The following DCDC1 variants were observed in gnomAD, a reference collection of about 807,000 sequenced individuals.
The protein encoded by DCDC1 is doublecortin domain-containing protein 1.
In DCDC1, 200 loss-of-function variants were observed where a neutral mutation model predicts 178.3. The ratio of observed to expected loss-of-function variants is 1.12; its 90% CI spans 1.00 to 1.26. DCDC1 has a LOEUF of 1.26. Ranked by LOEUF, DCDC1 falls within the 50% of genes most tolerant of loss-of-function variation. The pLI is 0.00. For missense variants in DCDC1, 1,983 were observed against 1,749.2 expected (o/e 1.13, Z -2.38); for synonymous variants, 690 against 604.8 (o/e 1.14, Z -2.07).
At chr11:30,960,491 C>A (rs950526528) in intron 20 of DCDC1, among the ~76,000 whole-genome samples, 2 of 152,076 alleles carry the variant, frequency 1.3e-5, no homozygotes, top group Middle Eastern at 3.2e-3. Flanking sequence ...CACTAGCTGG[C>A]CCAGCTATAA....
At chr11:31,210,389 C>T (rs1222028546) in intron 9 of DCDC1, among the ~76,000 whole-genome samples, 1 of 152,128 alleles carries the variant, frequency 6.6e-6, no homozygotes, top group Non-Finnish European at 1.5e-5. Flanking sequence ...GCATTTATAG[C>T]TAGCATTTAC....
chr11:31,307,802 C>T lies in DCDC1; in HGVS notation c.271G>A (p.Gly91Arg), dbSNP rs759454548. The T allele has an allele frequency of 7.4e-6, 12 of 1,613,972 alleles. No homozygotes were observed. The highest frequency in any genetic ancestry group is 8.5e-6 in the Non-Finnish European group (10 of 1,180,002). The change falls in exon 4 of 39, where the codon GGG becomes AGG. Residue 91 changes from glycine (G) to arginine (R), a missense_variant. Gly to Arg is a moderately radical substitution (Grantham distance 125). Transcript: ENST00000684477. ...RLVHSAAVSE[G>R]SGLQDCSTHQ... The stretch of plus-strand genomic sequence containing the variant: ...GTGGAGCAATCTTGAAGTCCTGACC[C>T]TTCTGATACTGCTGCTGAATGCACG...
chr11:30,881,394 A>G (rs985107533), intron 36 of DCDC1, 86 bp from the exon 37 acceptor site: 2 of 1,491,834 alleles, frequency 1.3e-6, no homozygotes, highest in Admixed American at 2.0e-5. Context: ...TGAGAAAACT[A>G]TTATCCCAGT....
At chr11:30,941,936 T>C (rs1435656103) in intron 21 of DCDC1, among the ~76,000 whole-genome samples, 1 of 152,200 alleles carries the variant, frequency 6.6e-6, no homozygotes, top group East Asian at 1.9e-4. Flanking sequence ...ATATTTTTAC[T>C]AGAATATCTT....
chr11:31,274,114 T>C (rs1240665798), intron 7 of DCDC1, among the ~76,000 whole-genome samples: 3 of 152,154 alleles, frequency 2.0e-5, no homozygotes, highest in Non-Finnish European at 4.4e-5. Flanking sequence ...AAGAATCCAC[T>C]ATTTTTTCTC....
intron 9 of DCDC1, among the ~76,000 whole-genome samples, chr11:31,180,207 T>C (rs1968600988): frequency 6.6e-6 from 1 of 152,154 alleles, no homozygotes; most frequent in Non-Finnish European, 1.5e-5. Flanking sequence ...AATGAATAAA[T>C]ACCGGTATTC....
At chr11:30,921,687 T>A (rs1010095051) in intron 24 of DCDC1, among the ~76,000 whole-genome samples, 1 of 152,134 alleles carries the variant, frequency 6.6e-6, no homozygotes, top group Non-Finnish European at 1.5e-5. Context: ...GCACAGCATG[T>A]CTTGATTCTC....
chr11:31,314,985 C>A (rs761222313), intron 3 of DCDC1, among the ~76,000 whole-genome samples: 2 of 152,188 alleles, frequency 1.3e-5, no homozygotes, highest in Non-Finnish European at 2.9e-5. Context: ...CACAAAGCAA[C>A]AACTAAGTAA....
At chr11:30,967,989 G>T (rs1949541787) in intron 20 of DCDC1, among the ~76,000 whole-genome samples, 2 of 152,148 alleles carry the variant, frequency 1.3e-5, no homozygotes, top group Non-Finnish European at 2.9e-5. Context: ...CAAATGTAAT[G>T]AAATAACAAG....
intron 17 of DCDC1, among the ~76,000 whole-genome samples, chr11:31,087,837 A>G (rs1223529313): frequency 6.6e-6 from 1 of 152,096 alleles, no homozygotes; most frequent in African/African-American, 2.4e-5. Context: ...AATTAGGTAA[A>G]GTTGGTCTGT....
intron 20 of DCDC1, among the ~76,000 whole-genome samples, chr11:30,988,309 G>A (rs1950769850): frequency 6.6e-6 from 1 of 152,006 alleles, no homozygotes; most frequent in African/African-American, 2.4e-5. Context: ...ATGTAGGCAT[G>A]GAAATAAATG....
intron 20 of DCDC1, among the ~76,000 whole-genome samples, chr11:31,019,735 A>T (rs1005352715): frequency 6.6e-6 from 1 of 152,130 alleles, no homozygotes; most frequent in Non-Finnish European, 1.5e-5. Flanking sequence ...CAATATCCAG[A>T]TCTCCATGCT....
intron 10 of DCDC1, among the ~76,000 whole-genome samples, chr11:31,136,093 T>C (rs1437441205): frequency 2.6e-5 from 4 of 152,074 alleles, no homozygotes; most frequent in Non-Finnish European, 5.9e-5. Flanking sequence ...TTATTTTAAT[T>C]ATACTAATTA....
intron 1 of DCDC1, among the ~76,000 whole-genome samples, chr11:31,341,481 C>T (rs189764783): frequency 6.6e-6 from 1 of 152,116 alleles, no homozygotes; most frequent in Admixed American, 6.5e-5. Context: ...GAGAAACCCA[C>T]CATTAGGTGA....
chr11:31,290,628 A>T lies in DCDC1; in HGVS notation c.960+19T>A, dbSNP rs1282373391. The T allele has an allele frequency of 1.9e-6, 3 of 1,588,330 alleles. No individual in the cohort carries two copies. Among genetic ancestry groups the T allele is most frequent in the South Asian group, 2.3e-5 (2 of 85,810 alleles). On this transcript the variant is annotated intron_variant, in intron 7 of 38. Coordinates refer to ENST00000684477, the MANE Select transcript of DCDC1 (RefSeq NM_001387274.1). ...ACTTTGAAATTAAATTCATAGTTCA[A>T]TATTTAATTAAAAATTACCTTTTTC...
At chr11:31,365,810 T>A (rs886674224) in intron 1 of DCDC1, among the ~76,000 whole-genome samples, 1 of 152,190 alleles carries the variant, frequency 6.6e-6, no homozygotes, top group Non-Finnish European at 1.5e-5. Flanking sequence ...TGACGCAAAC[T>A]AAAGTTTTGC....
At chr11:30,908,812 G>T in intron 29 of DCDC1, 134 bp downstream of exon 29, 1 of 659,084 alleles carries the variant, frequency 1.5e-6, no homozygotes, top group Non-Finnish European at 2.3e-6. Context: ...CAGAGTCTAA[G>T]TGATTTCACT....
intron 9 of DCDC1, among the ~76,000 whole-genome samples, chr11:31,185,649 T>G (rs891121556): frequency 5.3e-5 from 8 of 152,130 alleles, no homozygotes; most frequent in African/African-American, 1.9e-4. Context: ...CAAAACCTGG[T>G]TTTCTGCCTT....
At chr11:31,340,984 T>C (rs538204208) in intron 1 of DCDC1, among the ~76,000 whole-genome samples, 1 of 152,270 alleles carries the variant, frequency 6.6e-6, no homozygotes, top group African/African-American at 2.4e-5. Context: ...ACTTGAGGTA[T>C]CTGGCAAGCA....
Sources: allele counts gnomAD v4.1 joint callset (sites outside exome capture counted in the v4.1 genomes callset), GRCh38; gene constraint gnomAD v4.1.1; transcripts MANE v1.5; gene names NCBI Gene and HGNC (gene_info 2026-07-23, HGNC 2026-07-21).